Variants in INVS observed in about 807,000 individuals in gnomAD.
The protein encoded by INVS is inversin.
A neutral mutation model predicts 108.8 loss-of-function variants in INVS; 86 were observed. That is an observed-to-expected ratio of 0.79 (90% confidence interval 0.66 to 0.95). The LOEUF is 0.95. Among genes scored for constraint, INVS ranks in the 40% least tolerant of loss-of-function variants. The pLI is 0.00. For synonymous variants in INVS, 455 were observed against 473.5 expected, an observed-to-expected ratio of 0.96 and a Z score of 0.51; for missense variants, 1,169 against 1,297.4, an observed-to-expected ratio of 0.90 and a Z score of 1.52.
chr9:100,124,783 T>C (rs1379185158), intron 2 of INVS, among the ~76,000 whole-genome samples: 4 of 152,216 alleles, frequency 2.6e-5, no homozygotes, highest in Non-Finnish European at 5.9e-5. Context: ...AATTAATATT[T>C]TCCAAACTTT....
intron 12 of INVS, among the ~76,000 whole-genome samples, chr9:100,280,357 C>T (rs1833238141): frequency 6.6e-6 from 1 of 152,172 alleles, no homozygotes; most frequent in Non-Finnish European, 1.5e-5. Flanking sequence ...ATTTGATCCC[C>T]AGTTGACTTT....
chr9:100,195,643 A>C (rs1830351164), intron 3 of INVS, among the ~76,000 whole-genome samples: 2 of 152,014 alleles, frequency 1.3e-5, no homozygotes, highest in Admixed American at 6.6e-5. Flanking sequence ...CCGCACCACC[A>C]CACCTGGCTA....
At chr9:100,159,978 C>T (rs1829117095) in intron 3 of INVS, among the ~76,000 whole-genome samples, 1 of 152,194 alleles carries the variant, frequency 6.6e-6, no homozygotes, top group Non-Finnish European at 1.5e-5. Flanking sequence ...GAAGAACCCA[C>T]TTCATGATTT....
intron 4 of INVS, among the ~76,000 whole-genome samples, chr9:100,226,986 G>C (rs1363357916): frequency 6.6e-6 from 1 of 152,148 alleles, no homozygotes; most frequent in Non-Finnish European, 1.5e-5. Context: ...GCCTTCCTGG[G>C]TTTCAACCCA....
intron 3 of INVS, among the ~76,000 whole-genome samples, chr9:100,129,124 A>C (rs539507265): frequency 2.8e-4 from 43 of 151,820 alleles, no homozygotes; most frequent in African/African-American, 1.0e-3. Context: ...GTTTCAGACC[A>C]GCCTGAACAA....
rs202234261 is a variant in INVS, at chr9:100,292,284, C to T, written c.2069-42C>T. The T allele has an allele frequency of 2.6e-4, 391 of 1,526,808 alleles. 1 individual carries two copies. Among genetic ancestry groups the T allele is most frequent in the African/African-American group, 6.1e-4 (45 of 73,304 alleles). The allele number at this position is 1,526,808 out of a possible 1,614,324, so 94.6% of individuals were successfully genotyped here. ...TGAACATATTAGGAAAATTATCCTA[C>T]TCTGCAAGTTTTGGACAATATTTTT... On this transcript the variant is annotated intron_variant, in intron 13 of 16. Transcript: ENST00000262457.
At chr9:100,166,782 T>C (rs1829376716) in intron 3 of INVS, among the ~76,000 whole-genome samples, 1 of 152,234 alleles carries the variant, frequency 6.6e-6, no homozygotes, top group African/African-American at 2.4e-5. Context: ...ACCATCATGT[T>C]GGGTTAGATT....
intron 2 of INVS, among the ~76,000 whole-genome samples, chr9:100,112,716 A>G (rs1827379223): frequency 6.6e-6 from 1 of 152,190 alleles, no homozygotes; most frequent in Non-Finnish European, 1.5e-5. Context: ...TTTAAGAAAA[A>G]TTATAAATTT....
intron 3 of INVS, among the ~76,000 whole-genome samples, chr9:100,215,860 C>T (rs1830970763): frequency 6.6e-6 from 1 of 152,138 alleles, no homozygotes; most frequent in Non-Finnish European, 1.5e-5. Flanking sequence ...ACTCCTTCAC[C>T]ACAAGAAAAG....
In INVS at chr9:100,302,094, G is replaced by T; in HGVS notation, c.*1420G>T. The T allele has an allele frequency of 1.4e-6, 1 of 714,326 alleles. No individual in the cohort carries two copies. The allele number at this position is 714,326 out of a possible 1,614,324, so 44.2% of individuals were successfully genotyped here. On this transcript the variant is annotated 3_prime_UTR_variant, in exon 17 of 17. Coordinates refer to ENST00000262457, the MANE Select transcript of INVS (RefSeq NM_014425.5). ...AGAAGGTTCGTAAACTTCTTTAAAA[G>T]TTCAGCTTTAATGACAAAGATCTAT...
intron 3 of INVS, among the ~76,000 whole-genome samples, chr9:100,194,581 T>A (rs1830319474): frequency 6.6e-6 from 1 of 152,160 alleles, no homozygotes. Flanking sequence ...TCAGCCTTAT[T>A]TAACTGGCTA....
At chr9:100,172,048 G>C (rs184987171) in intron 3 of INVS, among the ~76,000 whole-genome samples, 92 of 151,944 alleles carry the variant, frequency 6.1e-4, no homozygotes, top group Non-Finnish European at 1.2e-3. Context: ...TATGTTAAGG[G>C]ACACATAGTC....
chr9:100,296,957 A>C lies in INVS; in HGVS notation c.2827A>C (p.Lys943Gln). ...GCACCTGTCCCACCTTCGGCATATG[A>C]AGCAGCTTGGAGCTGGAGATGTGGA... Reference protein sequence around the residue: ...RKHLSHLRHMKQLGAGDVDRW... With the variant: ...RKHLSHLRHMQQLGAGDVDRW... The change falls in exon 15 of 17, where the codon AAG (lysine) becomes CAG (glutamine). Residue 943 changes from lysine to glutamine, a missense_variant. Physicochemically the swap from Lys to Gln is moderately conservative, Grantham distance 53 (BLOSUM62 1). Around this residue, in one of 3 missense-constraint regions of INVS, gnomAD observed 533 missense variants for 536.0 expected, o/e 0.99. Coordinates refer to ENST00000262457, the MANE Select transcript of INVS (RefSeq NM_014425.5). 1 of 1,614,078 alleles carries C rather than the reference A, an allele frequency of 6.2e-7. No individual in the cohort carries two copies. The highest frequency in any genetic ancestry group is 8.5e-7 in the Non-Finnish European group (1 of 1,180,006).
At chr9:100,256,772 T>A (rs1489908040) in intron 10 of INVS, among the ~76,000 whole-genome samples, 1 of 152,238 alleles carries the variant, frequency 6.6e-6, no homozygotes, top group Non-Finnish European at 1.5e-5. Context: ...TGCACTGTGG[T>A]CTGAGAGACA....
chr9:100,151,488 T>C (rs549576543), intron 3 of INVS, among the ~76,000 whole-genome samples: 71 of 151,564 alleles, frequency 4.7e-4, no homozygotes, highest in African/African-American at 1.6e-3. Flanking sequence ...AAAAAAATAA[T>C]AATAAATATA....
chr9:100,189,036 T>A (rs1245374237), intron 3 of INVS, among the ~76,000 whole-genome samples: 1 of 151,834 alleles, frequency 6.6e-6, no homozygotes, highest in Non-Finnish European at 1.5e-5. Flanking sequence ...GATGTCTTTT[T>A]GTATTTCTGT....
At chr9:100,168,092 T>A (rs939401683) in intron 3 of INVS, among the ~76,000 whole-genome samples, 1 of 152,156 alleles carries the variant, frequency 6.6e-6, no homozygotes, top group Non-Finnish European at 1.5e-5. Context: ...CCATTTGAGC[T>A]GACTCTTGCT....
chr9:100,155,188 G>A (rs1464111641), intron 3 of INVS, among the ~76,000 whole-genome samples: 1 of 149,984 alleles, frequency 6.7e-6, no homozygotes, highest in Non-Finnish European at 1.5e-5. Context: ...TCCAGCCTGG[G>A]CAACAGAGTG....
At chr9:100,152,605 TATTCATTC>T (rs1828842471) in intron 3 of INVS, among the ~76,000 whole-genome samples, 1 of 152,206 alleles carries the variant, frequency 6.6e-6, no homozygotes, top group South Asian at 2.1e-4. Flanking sequence ...GTCATTCATT[TATTCATTC>T]ATTCATTTGT....
Sources: allele counts gnomAD v4.1 joint callset (sites outside exome capture counted in the v4.1 genomes callset), GRCh38; gene constraint gnomAD v4.1.1; regional missense constraint gnomAD v4.1.1; transcripts MANE v1.5; gene names NCBI Gene and HGNC (gene_info 2026-07-23, HGNC 2026-07-21).